Variants in VDAC1 observed in about 807,000 individuals in gnomAD.
VDAC1 encodes voltage dependent anion channel 1, also known as non-selective voltage-gated ion channel VDAC1.
VDAC1 carries 10 observed loss-of-function variants against 34.7 expected under a neutral mutation model. That is an observed-to-expected ratio of 0.29 (90% CI 0.18 to 0.49). The LOEUF is 0.49. Ranked by LOEUF, VDAC1 falls within the 20% of genes least tolerant of loss-of-function variation. The pLI, the probability that VDAC1 is intolerant of heterozygous loss-of-function variation, is 0.99. For synonymous variants in VDAC1, 130 were observed against 136.0 expected, an observed-to-expected ratio of 0.96 and a Z score of 0.30; for missense variants, 230 against 347.9, an observed-to-expected ratio of 0.66 and a Z score of 2.69.
the VDAC1 span, among the ~76,000 whole-genome samples, chr5:134,107,397 G>T: frequency 6.6e-6 from 1 of 152,206 alleles, no homozygotes; most frequent in Non-Finnish European, 1.5e-5. Context: ...TCCTCAAGCC[G>T]AGATGAAATC....
chr5:134,105,913 C>T, the VDAC1 span, among the ~76,000 whole-genome samples: 2 of 152,262 alleles, frequency 1.3e-5, no homozygotes, highest in African/African-American at 4.8e-5. Context: ...AGTTTGCCAT[C>T]GAAGTCACTC....
chr5:134,036,972 CAACA>C, the VDAC1 span, among the ~76,000 whole-genome samples: 148 of 143,106 alleles, frequency 1.0e-3, no homozygotes, highest in African/African-American at 3.2e-3. Flanking sequence ...AACAAAAAAA[CAACA>C]AACAAACAAA....
At chr5:134,076,595 G>C in the VDAC1 span, among the ~76,000 whole-genome samples, 4 of 152,204 alleles carry the variant, frequency 2.6e-5, no homozygotes, top group Admixed American at 1.3e-4. Flanking sequence ...GATCTGTGGT[G>C]TGTGCAAGGG....
At chr5:134,057,203 G>C in the VDAC1 span, among the ~76,000 whole-genome samples, 1 of 152,180 alleles carries the variant, frequency 6.6e-6, no homozygotes, top group African/African-American at 2.4e-5. Flanking sequence ...GTGAAGGCTG[G>C]GCACGGTGGC....
At chr5:133,995,988 T>C (rs1298689184) in intron 1 of VDAC1, among the ~76,000 whole-genome samples, 3 of 152,064 alleles carry the variant, frequency 2.0e-5, no homozygotes, top group Admixed American at 6.5e-5. Flanking sequence ...TAGCTACTGA[T>C]ACACAGCTGT....
At chr5:134,103,538 C>T in the VDAC1 span, among the ~76,000 whole-genome samples, 4 of 152,280 alleles carry the variant, frequency 2.6e-5, 1 homozygote, top group South Asian at 2.1e-4. Context: ...TTTAGCTCTC[C>T]GCCAGCCTTC....
chr5:134,075,079 A>G, the VDAC1 span, among the ~76,000 whole-genome samples: 1 of 152,158 alleles, frequency 6.6e-6, no homozygotes, highest in African/African-American at 2.4e-5. Flanking sequence ...TATTCACACT[A>G]TGATTTGCAC....
chr5:134,042,097 C>T, the VDAC1 span, among the ~76,000 whole-genome samples: 1 of 152,204 alleles, frequency 6.6e-6, no homozygotes, highest in African/African-American at 2.4e-5. Flanking sequence ...GCCAGAACCC[C>T]TTGTGGCAAT....
chr5:134,091,034 C>T, the VDAC1 span, among the ~76,000 whole-genome samples: 2 of 152,118 alleles, frequency 1.3e-5, no homozygotes, highest in Admixed American at 6.5e-5. Context: ...ACAAAGTGGC[C>T]ACGGAACACT....
rs532624380 is a variant in VDAC1 at position 133,987,904 on chromosome 5, CACA to C, written c.323+2948_323+2950del. On this transcript the variant is annotated intron_variant, in intron 5 of 8. Transcript: ENST00000265333. ...ACATCAGGTGCAGAGAAGAATATAA[CACA>C]ACAACTACAGTTGCCAAAAATGCAT... Among the ~76,000 whole-genome samples, 10 of 152,124 alleles carry C rather than the reference CACA, an allele frequency of 6.6e-5. No individual in the cohort carries two copies. The South Asian group carries it at 8.3e-4, about 13-fold the overall frequency.
chr5:134,013,434 C>G, the VDAC1 span, among the ~76,000 whole-genome samples: 3 of 151,900 alleles, frequency 2.0e-5, no homozygotes, highest in Non-Finnish European at 4.4e-5. Flanking sequence ...GACTGTGTCT[C>G]AAAAACAAAC....
chr5:134,058,975 G>T, the VDAC1 span, among the ~76,000 whole-genome samples: 1 of 152,202 alleles, frequency 6.6e-6, no homozygotes. Context: ...TCATGCCCGC[G>T]TGCCAATGCA....
At chr5:134,060,736 G>A in the VDAC1 span, among the ~76,000 whole-genome samples, 1 of 151,452 alleles carries the variant, frequency 6.6e-6, no homozygotes, top group African/African-American at 2.4e-5. Context: ...GGCTTATTTT[G>A]AAATTATACC....
At chr5:134,039,049 C>T in the VDAC1 span, among the ~76,000 whole-genome samples, 1 of 152,186 alleles carries the variant, frequency 6.6e-6, no homozygotes, top group Non-Finnish European at 1.5e-5. Context: ...ATTCATTACT[C>T]GCTGACCTCC....
the VDAC1 span, among the ~76,000 whole-genome samples, chr5:134,111,816 A>G: frequency 6.6e-6 from 1 of 152,226 alleles, no homozygotes; most frequent in Non-Finnish European, 1.5e-5. Flanking sequence ...ATGTGGGCTC[A>G]GGAGTCAGAC....
intron 1 of VDAC1, among the ~76,000 whole-genome samples, chr5:133,999,678 C>T (rs925244765): frequency 6.6e-6 from 1 of 152,156 alleles, no homozygotes; most frequent in Non-Finnish European, 1.5e-5. Flanking sequence ...AAGAAGCTCC[C>T]TCTCTTGTAG....
chr5:134,003,159 C>A (rs1753625725), intron 1 of VDAC1, among the ~76,000 whole-genome samples: 1 of 152,222 alleles, frequency 6.6e-6, no homozygotes, highest in African/African-American at 2.4e-5. Flanking sequence ...TTCTCAAGCA[C>A]CTACTGTGTG....
the VDAC1 span, among the ~76,000 whole-genome samples, chr5:134,067,714 GGGAGAA>G: frequency 6.6e-6 from 1 of 151,208 alleles, no homozygotes; most frequent in Non-Finnish European, 1.5e-5. Flanking sequence ...GAGAAGGAGA[GGGAGAA>G]GGAGAAGGAG....
chr5:133,992,143 G>A (rs1753125930), intron 3 of VDAC1, among the ~76,000 whole-genome samples, 163 bp downstream of exon 3: 1 of 152,110 alleles, frequency 6.6e-6, no homozygotes, highest in Non-Finnish European at 1.5e-5. Context: ...GGCTGAGGTA[G>A]GAGAATCGCT....
Sources: allele counts gnomAD v4.1 joint callset (sites outside exome capture counted in the v4.1 genomes callset), GRCh38; gene constraint gnomAD v4.1.1; transcripts MANE v1.5; gene names NCBI Gene and HGNC (gene_info 2026-07-23, HGNC 2026-07-21).